PDE8B: variants seen among roughly 807,000 people sequenced by gnomAD.
The protein encoded by PDE8B is phosphodiesterase 8B, also known as high affinity cAMP-specific and IBMX-insensitive 3',5'-cyclic phosphodiesterase 8B.
In PDE8B, 26 loss-of-function variants were observed where a neutral mutation model predicts 101.3. The ratio of observed to expected loss-of-function variants is 0.26; its 90% CI spans 0.19 to 0.36. The LOEUF (loss-of-function observed/expected upper bound fraction) is 0.36. PDE8B is among the 10% of genes least tolerant of loss of function. PDE8B has a pLI of 1.00. For synonymous variants in PDE8B, 424 were observed against 429.3 expected (o/e 0.99, Z 0.15); for missense variants, 810 against 1,163.1 (o/e 0.70, Z 4.42).
At chr5:77,115,277 A>C in the PDE8B span, 117 of 152,322 alleles carry the variant, frequency 7.7e-4, no homozygotes, top group African/African-American at 2.6e-3. Flanking sequence ...ATATCTTCTT[A>C]TTCTTTTTAT....
chr5:77,086,891 G>C, the PDE8B span: 1 of 152,326 alleles, frequency 6.6e-6, no homozygotes, highest in African/African-American at 2.4e-5. Flanking sequence ...GCAAGAATGA[G>C]GCACTGGAAG....
At chr5:77,202,548 G>A in the PDE8B span, among the ~76,000 whole-genome samples, 1 of 151,824 alleles carries the variant, frequency 6.6e-6, no homozygotes, top group African/African-American at 2.4e-5. Flanking sequence ...TAAGACTATA[G>A]TATATACTAC....
intron 10 of PDE8B, among the ~76,000 whole-genome samples, chr5:77,368,879 G>A (rs1462604019): frequency 1.3e-5 from 2 of 152,086 alleles, no homozygotes; most frequent in Non-Finnish European, 2.9e-5. Flanking sequence ...AAAGCAAAGA[G>A]GTGTGGTTAG....
chr5:77,257,086 G>T (rs1406170994), intron 1 of PDE8B, among the ~76,000 whole-genome samples: 1 of 151,978 alleles, frequency 6.6e-6, no homozygotes, highest in African/African-American at 2.4e-5. Context: ...TAACATAGAA[G>T]ATAAGATATA....
Position 77,211,063 on chromosome 5 carries a change from G to GACCGACGCC in PDE8B, c.139_147dup (p.Thr47_Ala49dup), listed in dbSNP as rs768976114. On this transcript the variant is annotated inframe_insertion, in exon 1 of 22. Coordinates refer to ENST00000264917, the MANE Select transcript of PDE8B (RefSeq NM_003719.5). This position sits in a 1 kb window ranked among gnomAD's most constrained non-coding sequence, Gnocchi z 4.1. ...CACCCCTGCCCGGCCTCTTCGTCCA[G>GACCGACGCC]ACCGACGCCGCCGACGCCATCCCCC... 6.6e-7 allele frequency: 1 copy of GACCGACGCC among 1,518,372 alleles called. No homozygotes were observed. The highest frequency in any genetic ancestry group is 1.4e-5 in the African/African-American group (1 of 69,620). The allele number at this position is 1,518,372 out of a possible 1,614,324, so 94.1% of individuals were successfully genotyped here.
chr5:77,348,898 T>C (rs1581176251), intron 7 of PDE8B, among the ~76,000 whole-genome samples: 1 of 152,076 alleles, frequency 6.6e-6, no homozygotes. Flanking sequence ...TCCAGGCTGG[T>C]CTTGAACTCT....
In PDE8B at chr5:77,398,753, G is replaced by A. The variant is rs560921407; in HGVS notation, c.1168-1495G>A. Among the ~76,000 whole-genome samples the A allele has an allele frequency of 5.2e-4, 79 of 152,342 alleles. No individual in the cohort carries two copies. The South Asian group carries it at 0.015, about 30-fold the overall frequency. On this transcript the variant is annotated intron_variant, in intron 10 of 21. Coordinates refer to ENST00000264917, the MANE Select transcript of PDE8B (RefSeq NM_003719.5). Reference sequence around the variant, plus strand: ...CTCAGTTCACCGTCACTCTAAACCCGCTGGCATTTGGGGTCATCCCCACAC... The same window carrying A: ...CTCAGTTCACCGTCACTCTAAACCCACTGGCATTTGGGGTCATCCCCACAC...
rs559277229 is a variant in PDE8B, at chr5:77,385,743, C to G, written c.1168-14505C>G. 3.5e-4 allele frequency among the ~76,000 whole-genome samples: 53 copies of G among 149,932 alleles called. 1 individual carries two copies. Among genetic ancestry groups the G allele is most frequent in the Middle Eastern group, 3.5e-3 (1 of 282 alleles). On this transcript the variant is annotated intron_variant, in intron 10 of 21. Coordinates refer to ENST00000264917, the MANE Select transcript of PDE8B (RefSeq NM_003719.5). ...TTTCATTATTTACCCAGTAGTCATT[C>G]AGGAGCAGGTTGTTCAGTTTTCATG...
chr5:77,244,266 C>T (rs1756409692), intron 1 of PDE8B, among the ~76,000 whole-genome samples: 1 of 152,158 alleles, frequency 6.6e-6, no homozygotes, highest in African/African-American at 2.4e-5. Flanking sequence ...CAGCTGTAGG[C>T]TCAGCTCTAG....
Position 77,423,632 on chromosome 5 carries a change from G to GTTTTTTTTTTTTTTTTTTTTTTTT in PDE8B, c.2418+1648_2418+1671dup, listed in dbSNP as rs71594634. Among the ~76,000 whole-genome samples the GTTTTTTTTTTTTTTTTTTTTTTTT allele has an allele frequency of 4.5e-4, 33 of 74,042 alleles. 8 individuals are homozygous for GTTTTTTTTTTTTTTTTTTTTTTTT. Among genetic ancestry groups the GTTTTTTTTTTTTTTTTTTTTTTTT allele is most frequent in the Admixed American group, 6.8e-4 (4 of 5,880 alleles). The allele number at this position is 74,042 out of a possible 152,430, so 48.6% of individuals were successfully genotyped here. A position where few individuals can be genotyped will look rare whatever the true frequency, so the allele number is the denominator to read the frequency against. ...TGATGCTGGACTTTTGTTTTGTTTA[G>GTTTTTTTTTTTTTTTTTTTTTTTT]TTTTTTTTTTTTTTTTTTTTTTTTT... is the stretch of plus-strand genomic sequence containing the variant. On this transcript the variant is annotated intron_variant, in intron 20 of 21. Transcript: ENST00000264917.
the PDE8B span, among the ~76,000 whole-genome samples, chr5:77,162,020 G>T: frequency 6.6e-6 from 1 of 150,412 alleles, no homozygotes; most frequent in Non-Finnish European, 1.5e-5. Flanking sequence ...AATCATGTAT[G>T]TAGTACATTT....
At chr5:77,185,946 T>C in the PDE8B span, among the ~76,000 whole-genome samples, 1 of 152,224 alleles carries the variant, frequency 6.6e-6, no homozygotes, top group South Asian at 2.1e-4. Flanking sequence ...GCTCCATTGC[T>C]TGCCAGTAGT....
chr5:77,241,306 C>T (rs1194953171), intron 1 of PDE8B, among the ~76,000 whole-genome samples: 1 of 152,138 alleles, frequency 6.6e-6, no homozygotes, highest in Non-Finnish European at 1.5e-5. Context: ...GTGTATTGCT[C>T]TTGAATCTGA....
Position 77,360,532 on chromosome 5 carries a change from T to G in PDE8B, c.1167+7126T>G, listed in dbSNP as rs560460443. ...ATTCACCTCACATGAAGGAATCAGT[T>G]TCTGGCATTTTGCTCAACCTAAATC... On this transcript the variant is annotated intron_variant, in intron 10 of 21. Coordinates refer to ENST00000264917, the MANE Select transcript of PDE8B (RefSeq NM_003719.5). Among the ~76,000 whole-genome samples, 278 of 152,346 alleles carry G rather than the reference T, an allele frequency of 1.8e-3. 2 individuals are homozygous for G. The highest frequency in any genetic ancestry group is 6.5e-3 in the African/African-American group (270 of 41,580).
At chr5:77,342,596 T>G (rs909057664) in intron 6 of PDE8B, among the ~76,000 whole-genome samples, 1 of 152,128 alleles carries the variant, frequency 6.6e-6, no homozygotes, top group African/African-American at 2.4e-5. Context: ...AGCTTTTTAT[T>G]GGGATTCTTT....
chr5:77,406,337 T>A (rs74510406), intron 12 of PDE8B, among the ~76,000 whole-genome samples: 5 of 152,094 alleles, frequency 3.3e-5, no homozygotes, highest in Non-Finnish European at 7.4e-5. Flanking sequence ...GAACCAAAGA[T>A]GCTAGAGACA....
At chr5:77,265,852 G>A (rs530134375) in intron 1 of PDE8B, among the ~76,000 whole-genome samples, 71 of 152,308 alleles carry the variant, frequency 4.7e-4, no homozygotes, top group Middle Eastern at 3.4e-3. Flanking sequence ...TAAATTGCAC[G>A]TTCTTCAAGT....
At chr5:77,418,163 A>G (rs1795953728) in intron 17 of PDE8B, 66 bp from the exon 18 acceptor site, 1 of 1,049,418 alleles carries the variant, frequency 9.5e-7, no homozygotes, top group Non-Finnish European at 1.5e-6. Flanking sequence ...CTCCGCACAG[A>G]CAAGGATGGA....
At chr5:77,106,630 T>A in the PDE8B span, among the ~76,000 whole-genome samples, 139 of 152,242 alleles carry the variant, frequency 9.1e-4, no homozygotes, top group African/African-American at 3.1e-3. Context: ...TCAAGTTTTT[T>A]AAAAAAATCT....
Sources: allele counts gnomAD v4.1 joint callset (sites outside exome capture counted in the v4.1 genomes callset), GRCh38; gene constraint gnomAD v4.1.1; non-coding constraint Gnocchi (gnomAD v3.1); transcripts MANE v1.5; gene names NCBI Gene and HGNC (gene_info 2026-07-23, HGNC 2026-07-21).